MATN1: variants seen among roughly 807,000 people sequenced by gnomAD.
The protein encoded by MATN1 is matrilin 1.
In MATN1, 34 loss-of-function variants were observed where a neutral mutation model predicts 41.3. The ratio of observed to expected loss-of-function variants is 0.82; its 90% CI spans 0.63 to 1.10. The LOEUF (loss-of-function observed/expected upper bound fraction) is 1.10. MATN1 is among the 50% of genes least tolerant of loss of function. The pLI is 0.00. For synonymous variants in MATN1, 264 were observed against 278.7 expected, an observed-to-expected ratio of 0.95 and a Z score of 0.53; for missense variants, 602 against 662.4, an observed-to-expected ratio of 0.91 and a Z score of 1.00.
intron 3 of MATN1, 80 bp from the exon 4 acceptor site, chr1:30,716,995 G>C: frequency 1.4e-6 from 2 of 1,436,010 alleles, no homozygotes; most frequent in Non-Finnish European, 1.9e-6. Flanking sequence ...CCCTGACTGT[G>C]GATACCAGGC....
intron 4 of MATN1, 128 bp downstream of exon 4, chr1:30,716,662 G>A (rs2124153662): frequency 7.6e-7 from 1 of 1,319,008 alleles, no homozygotes; most frequent in African/African-American, 1.5e-5. Context: ...AACTCTAAAA[G>A]GCATCTGTCT....
At position 30,716,317 on chromosome 1, in the gene MATN1, C is replaced by G. The variant is rs748511374; in HGVS notation, c.799G>C (p.Gly267Arg). 2.5e-6 allele frequency: 4 copies of G among 1,613,228 alleles called. No homozygotes were observed. Among genetic ancestry groups the G allele is most frequent in the Non-Finnish European group, 3.4e-6 (4 of 1,179,442 alleles). The stretch of plus-strand genomic sequence containing the variant: ...TCAGTGGCCGAGCTGCCACCACCAC[C>G]ACTGCAGACTGTGGAGGACAGGAAG... ...SDGKTCNVCS[G>R]GGGSSATDLV... The change falls in exon 5 of 8, where the codon GGT (glycine) becomes CGT (arginine). Residue 267 changes from glycine (G) to arginine (R), a missense_variant. Transcript: ENST00000373765.
At position 30,714,339 on chromosome 1, in the gene MATN1, AAGG is replaced by A; in HGVS notation, c.1361-15_1361-13del. 1 of 1,603,468 alleles carries A rather than the reference AAGG, an allele frequency of 6.2e-7. No individual in the cohort carries two copies. ...ACACGGGTCTTCCTCTGCAGGGGAC[AAGG>A]AGGAGGGAAAGAGAAAGGAACTGTT... On this transcript the variant is annotated splice_polypyrimidine_tract_variant and intron_variant, in intron 6 of 7. Transcript: ENST00000373765.
intron 3 of MATN1, 48 bp downstream of exon 3, chr1:30,718,687 T>C: frequency 1.7e-6 from 2 of 1,205,582 alleles, no homozygotes; most frequent in Non-Finnish European, 1.1e-6. Context: ...CCCGCCGCTC[T>C]CCCCTTCTCC....
rs1198790197 is a variant in MATN1 at position 30,716,025 on chromosome 1, T to C, written c.1091A>G (p.Asn364Ser). 6.2e-7 allele frequency: 1 copy of C among 1,614,096 alleles called. No homozygotes were observed. Among genetic ancestry groups the C allele is most frequent in the Non-Finnish European group, 8.5e-7 (1 of 1,180,042 alleles). Residue 364 changes from asparagine (N) to serine (S), a missense_variant, in exon 5 of 8, where the codon AAT (asparagine) becomes AGT (serine). Physicochemically the swap from Asn to Ser is conservative, Grantham distance 46. Coordinates refer to ENST00000373765, the MANE Select transcript of MATN1 (RefSeq NM_002379.3). ...TGAALKYLID[N>S]SFTVSSGARP... ...AGCCCCACTGGACACAGTGAAGGAATTGTCAATGAGGTACTTGAGAGCAGC... is the reference window on the plus strand; with the variant it reads ...AGCCCCACTGGACACAGTGAAGGAACTGTCAATGAGGTACTTGAGAGCAGC...
At position 30,713,464 on chromosome 1, in the gene MATN1, A is replaced by G. The variant is rs981779836; in HGVS notation, c.*118T>C. On this transcript the variant is annotated 3_prime_UTR_variant, in exon 8 of 8. Transcript: ENST00000373765. ...TCCCAAACGCCATTACACGCTCTCA[A>G]TAGGCACACCCAGACACACCCCCTC... 32 of 956,146 alleles carry G rather than the reference A, an allele frequency of 3.3e-5. No individual in the cohort carries two copies. Among genetic ancestry groups the G allele is most frequent in the Non-Finnish European group, 4.9e-5 (30 of 610,962 alleles). 59.2% of individuals were successfully genotyped at this position (956,146 alleles called of 1,614,324 possible).
rs1186834093 is a variant in MATN1, at chr1:30,713,484, C to G, written c.*98G>C. The G allele has an allele frequency of 1.6e-6, 2 of 1,251,630 alleles. No individual in the cohort carries two copies. The highest frequency in any genetic ancestry group is 3.0e-5 in the African/African-American group (2 of 67,230). 77.5% of individuals were successfully genotyped at this position (1,251,630 alleles called of 1,614,324 possible). A position where few individuals can be genotyped will look rare whatever the true frequency, so the allele number is the denominator to read the frequency against. On this transcript the variant is annotated 3_prime_UTR_variant, in exon 8 of 8. Transcript: ENST00000373765. Reference sequence around the variant, plus strand: ...TCTCAATAGGCACACCCAGACACACCCCCTCCCACCCCCGGGCTGGCTTCC... The same window carrying G: ...TCTCAATAGGCACACCCAGACACACGCCCTCCCACCCCCGGGCTGGCTTCC...
rs1569833326 is a variant in MATN1, at chr1:30,718,937, G to C, written c.462C>G (p.Asp154Glu). ...CCTGCACGCTGTCCTGGGGCCTCCC[G>C]TCTGTCACCACGATGACCACCTGCG... The part of the protein sequence containing the change: ...DISKVVIVVT[D>E]GRPQDSVQDV... The change falls in exon 3 of 8, where the codon GAC becomes GAG. Residue 154 changes from aspartate (D) to glutamate (E), a missense_variant. Asp to Glu is a conservative substitution (Grantham distance 45, BLOSUM62 2). Transcript: ENST00000373765. 5.3e-6 allele frequency: 8 copies of C among 1,520,350 alleles called. No homozygotes were observed. The East Asian group carries it at 2.0e-4, about 39-fold the overall frequency. 94.2% of individuals were successfully genotyped at this position (1,520,350 alleles called of 1,614,324 possible). A position where few individuals can be genotyped will look rare whatever the true frequency, so the allele number is the denominator to read the frequency against.
At position 30,713,300 on chromosome 1, in the gene MATN1, C is replaced by A; in HGVS notation, c.*282G>T. The stretch of plus-strand genomic sequence containing the variant: ...TGATTATAAAAATGCAAACGCAGTC[C>A]CTCTCACACTCACCCCTGCATTATC... On this transcript the variant is annotated 3_prime_UTR_variant, in exon 8 of 8. Transcript: ENST00000373765. 2 of 435,564 alleles carry A rather than the reference C, an allele frequency of 4.6e-6. No individual in the cohort carries two copies. The highest frequency in any genetic ancestry group is 8.3e-6 in the Non-Finnish European group (2 of 241,678). 27.0% of individuals were successfully genotyped at this position (435,564 alleles called of 1,614,324 possible).
At chr1:30,723,419 A>G (rs1016745931) in intron 1 of MATN1, 39 bp downstream of exon 1, 1 of 1,436,964 alleles carries the variant, frequency 7.0e-7, no homozygotes, top group Non-Finnish European at 9.3e-7. Flanking sequence ...GTCAGGGCCC[A>G]CTAGCTCAGT....
chr1:30,718,900 G>T lies in MATN1; in HGVS notation c.499C>A (p.Arg167=). ...PQDSVQDVSA[R]ARASGVELFA... Reference sequence around the variant, plus strand: ...AGCTCGACGCCGCTGGCCCGGGCCCGCGCAGACACGTCCTGCACGCTGTCC... The same window carrying T: ...AGCTCGACGCCGCTGGCCCGGGCCCTCGCAGACACGTCCTGCACGCTGTCC... Residue 167 remains arginine (R), a synonymous_variant, in exon 3 of 8, where the codon CGG becomes AGG. Transcript: ENST00000373765. 6.3e-7 allele frequency: 1 copy of T among 1,580,406 alleles called. No homozygotes were observed. Among genetic ancestry groups the T allele is most frequent in the South Asian group, 1.1e-5 (1 of 88,148 alleles).
Position 30,713,576 on chromosome 1 carries a change from G to T in MATN1, c.*6C>A. 1.3e-6 allele frequency: 2 copies of T among 1,553,182 alleles called. No homozygotes were observed. The highest frequency in any genetic ancestry group is 1.7e-6 in the Non-Finnish European group (2 of 1,147,580). On this transcript the variant is annotated 3_prime_UTR_variant, in exon 8 of 8. Transcript: ENST00000373765. The stretch of plus-strand genomic sequence containing the variant: ...CTTGGAGAGGCCACAGTGGTGACAG[G>T]CAGCCTTAGACAACTGTGTTCTCCA...
chr1:30,715,882 T>TCC (rs749287014), intron 5 of MATN1, 27 bp downstream of exon 5: 17 of 1,595,066 alleles, frequency 1.1e-5, no homozygotes, highest in Non-Finnish European at 1.5e-5. Context: ...ATCAGTGGTG[T>TCC]CCAGGGTCCA....
intron 3 of MATN1, 131 bp from the exon 4 acceptor site, chr1:30,717,046 G>C: frequency 9.5e-7 from 1 of 1,056,108 alleles, no homozygotes; most frequent in Non-Finnish European, 1.3e-6. Flanking sequence ...CAACATACTG[G>C]GGCCCAGGCC....
chr1:30,723,184 C>A (rs1471044856), intron 1 of MATN1, among the ~76,000 whole-genome samples: 2 of 152,188 alleles, frequency 1.3e-5, no homozygotes, highest in Non-Finnish European at 2.9e-5. Flanking sequence ...CGTCAGCCAG[C>A]TCTCTGAGTA....
chr1:30,715,121 G>A (rs1639598568), intron 6 of MATN1, 36 bp downstream of exon 6: 6 of 1,609,354 alleles, frequency 3.7e-6, no homozygotes, highest in Non-Finnish European at 5.1e-6. Context: ...TGCCCCACCT[G>A]CAAATCCCAT....
rs1292821403 is a variant in MATN1 at position 30,715,329 on chromosome 1, A to C, written c.1208-20T>G. ...TAAAGCCTGCCAGGAGGAACAGGAGAAGTAAGGCTGGACATGGGGATGGGC... is the reference window on the plus strand; with the variant it reads ...TAAAGCCTGCCAGGAGGAACAGGAGCAGTAAGGCTGGACATGGGGATGGGC... On this transcript the variant is annotated intron_variant, in intron 5 of 7. Coordinates refer to ENST00000373765, the MANE Select transcript of MATN1 (RefSeq NM_002379.3). 1.9e-6 allele frequency: 3 copies of C among 1,613,134 alleles called. No individual in the cohort carries two copies.
At chr1:30,721,961 A>T (rs1223734451) in intron 1 of MATN1, among the ~76,000 whole-genome samples, 1 of 152,220 alleles carries the variant, frequency 6.6e-6, no homozygotes, top group Non-Finnish European at 1.5e-5. Context: ...CATGGGGAAC[A>T]CAGAGGGCCA....
Position 30,711,943 on chromosome 1 carries a change from G to C in MATN1, c.*1639C>G, listed in dbSNP as rs949490146. On this transcript the variant is annotated 3_prime_UTR_variant, in exon 8 of 8. Transcript: ENST00000373765. ...ACAGAGAGAAAGGGTTTGGTGAACT[G>C]TGTAGGAGGTGGAGTCAGGTCATGG... The C allele has an allele frequency of 1.3e-5, 2 of 152,590 alleles. No individual in the cohort carries two copies. The highest frequency in any genetic ancestry group is 4.8e-5 in the African/African-American group (2 of 41,452). The allele number at this position is 152,590 out of a possible 1,614,324, so 9.5% of individuals were successfully genotyped here.
Sources: allele counts gnomAD v4.1 joint callset (sites outside exome capture counted in the v4.1 genomes callset), GRCh38; gene constraint gnomAD v4.1.1; transcripts MANE v1.5; gene names NCBI Gene and HGNC (gene_info 2026-07-23, HGNC 2026-07-21).